Variants in HERC1 observed in about 807,000 individuals in gnomAD.
The protein encoded by HERC1 is probable E3 ubiquitin-protein ligase HERC1.
Under a neutral mutation model 554.3 loss-of-function variants are expected in HERC1, and 160 were observed. The observed-to-expected ratio is 0.29, with a 90% confidence interval of 0.25 to 0.33. The LOEUF (loss-of-function observed/expected upper bound fraction) is 0.33. HERC1 is among the 10% of genes least tolerant of loss of function. The pLI is 1.00. For synonymous variants in HERC1, 2,175 were observed against 2,131.7 expected, an observed-to-expected ratio of 1.02 and a Z score of -0.56; for missense variants, 4,919 against 5,918.5, an observed-to-expected ratio of 0.83 and a Z score of 5.54.
In HERC1 at chr15:63,656,082, G is replaced by C. The variant is rs754593141; in HGVS notation, c.9870+6C>G. The stretch of plus-strand genomic sequence containing the variant: ...GTAACGGGGAAAAGTACTGAAAGTA[G>C]CTTACCTGTGTACACAACTGTACAA... On this transcript the variant is annotated splice_donor_region_variant and intron_variant, in intron 49 of 77. Transcript: ENST00000443617. The C allele has an allele frequency of 7.9e-5, 128 of 1,610,114 alleles. No homozygotes were observed. Among genetic ancestry groups the C allele is most frequent in the Non-Finnish European group, 1.1e-4 (128 of 1,177,170 alleles).
At position 63,653,976 on chromosome 15, in the gene HERC1, T is replaced by C. The variant is rs16947322; in HGVS notation, c.10290+143A>G. The C allele has an allele frequency of 4.1e-3, 2,635 of 644,084 alleles. 54 individuals are homozygous for C. The African/African-American group carries it at 0.043, about 10-fold the overall frequency. The allele number at this position is 644,084 out of a possible 1,614,324, so 39.9% of individuals were successfully genotyped here. Reference sequence around the variant, plus strand: ...GAGTTGGTAACTGCCAGGAACATCTTTGTAATTGTGTGCATGTGTATGTGT... The same window carrying C: ...GAGTTGGTAACTGCCAGGAACATCTCTGTAATTGTGTGCATGTGTATGTGT... On this transcript the variant is annotated intron_variant, in intron 51 of 77. Coordinates refer to ENST00000443617, the MANE Select transcript of HERC1 (RefSeq NM_003922.4).
At chr15:63,704,285 C>A (rs991409524) in intron 25 of HERC1, among the ~76,000 whole-genome samples, 1 of 152,092 alleles carries the variant, frequency 6.6e-6, no homozygotes, top group African/African-American at 2.4e-5. Context: ...ACAGTTTTTT[C>A]TTAGTTGGAA....
At chr15:63,829,056 G>C (rs2078036864) in intron 1 of HERC1, among the ~76,000 whole-genome samples, 2 of 152,134 alleles carry the variant, frequency 1.3e-5, no homozygotes, top group African/African-American at 4.8e-5. Flanking sequence ...AGGAACGGGA[G>C]AAGGTTAGAA....
At position 63,634,859 on chromosome 15, in the gene HERC1, C is replaced by T. The variant is rs2152816531; in HGVS notation, c.12444G>A (p.Val4148=). The change falls in exon 66 of 78, where the codon GTG becomes GTA. Residue 4148 remains valine, a synonymous_variant. Transcript: ENST00000443617. The part of the protein sequence containing the change: ...QMSCGFKHSA[V]VTSDGKLFTF... ...TGAACAGTTTGCCATCTGAAGTGAC[C>T]ACTGCTGAGTGCTTGAAGCCACAAG... 6.2e-7 allele frequency: 1 copy of T among 1,613,608 alleles called. No individual in the cohort carries two copies. The highest frequency in any genetic ancestry group is 1.3e-5 in the African/African-American group (1 of 75,002).
rs981167642 is a variant in HERC1 at position 63,766,086 on chromosome 15, C to A, written c.931-1895G>T. Reference sequence around the variant, plus strand: ...CTCACTATAGCCTCAACCTCCTGGGCTCAAGTGATCCTCCCACCTCAGGAT... The same window carrying A: ...CTCACTATAGCCTCAACCTCCTGGGATCAAGTGATCCTCCCACCTCAGGAT... On this transcript the variant is annotated intron_variant, in intron 2 of 77. Coordinates refer to ENST00000443617, the MANE Select transcript of HERC1 (RefSeq NM_003922.4). Among the ~76,000 whole-genome samples, 6 of 152,154 alleles carry A rather than the reference C, an allele frequency of 3.9e-5. No individual in the cohort carries two copies. In the East Asian group the frequency reaches 1.2e-3, roughly 29 times the overall value.
At chr15:63,621,772 T>C (rs1173340164) in intron 74 of HERC1, among the ~76,000 whole-genome samples, 2 of 152,256 alleles carry the variant, frequency 1.3e-5, no homozygotes, top group African/African-American at 4.8e-5. Context: ...TTTCTTCCAG[T>C]TGATCGAATC....
At chr15:63,814,497 C>T (rs1251420399) in intron 1 of HERC1, among the ~76,000 whole-genome samples, 1 of 152,122 alleles carries the variant, frequency 6.6e-6, no homozygotes, top group African/African-American at 2.4e-5. Context: ...TCTGGCTCTG[C>T]TGCCCATGCT....
chr15:63,688,145 G>C (rs2071887955), intron 33 of HERC1, among the ~76,000 whole-genome samples: 1 of 152,216 alleles, frequency 6.6e-6, no homozygotes, highest in African/African-American at 2.4e-5. Flanking sequence ...GCATAGTTCA[G>C]GCCAGAGATG....
At chr15:63,796,852 G>C (rs2076829222) in intron 1 of HERC1, among the ~76,000 whole-genome samples, 1 of 152,190 alleles carries the variant, frequency 6.6e-6, no homozygotes, top group Admixed American at 6.5e-5. Context: ...TTATCATGCA[G>C]ATGAGGCCTC....
At chr15:63,650,592 T>C (rs571529523) in intron 53 of HERC1, among the ~76,000 whole-genome samples, 2 of 152,178 alleles carry the variant, frequency 1.3e-5, no homozygotes, top group South Asian at 4.2e-4. Flanking sequence ...TGTCTGTAAC[T>C]ATTAATAGGG....
At chr15:63,717,752 A>G (rs1279242611) in intron 21 of HERC1, among the ~76,000 whole-genome samples, 1 of 152,172 alleles carries the variant, frequency 6.6e-6, no homozygotes, top group Non-Finnish European at 1.5e-5. Flanking sequence ...CATGCCTGTA[A>G]TCCCAGCTAC....
chr15:63,689,979 C>A (rs1226769926), intron 32 of HERC1, among the ~76,000 whole-genome samples: 7 of 151,964 alleles, frequency 4.6e-5, no homozygotes, highest in East Asian at 1.9e-4. Context: ...GCCTGGCCAA[C>A]ATGGTGAAAC....
At chr15:63,833,207 G>T (rs1043551928) in intron 1 of HERC1, among the ~76,000 whole-genome samples, 5 of 152,140 alleles carry the variant, frequency 3.3e-5, no homozygotes, top group African/African-American at 1.2e-4. Context: ...CTCGCCTCCC[G>T]GTTGCAAAGG....
At chr15:63,666,212 AAG>A in intron 41 of HERC1, 62 bp from the exon 42 acceptor site, 2 of 1,460,440 alleles carry the variant, frequency 1.4e-6, no homozygotes, top group Non-Finnish European at 1.9e-6. Flanking sequence ...TTTATGTTAT[AAG>A]AGTGTTTGCT....
chr15:63,638,507 G>A lies in HERC1; in HGVS notation c.11997C>T (p.Val3999=). ...CATGCCTACCAGCACCCCATAAGTAGACATCACATTTACCTCCCAGGTGCC... is the reference window on the plus strand; with the variant it reads ...CATGCCTACCAGCACCCCATAAGTAAACATCACATTTACCTCCCAGGTGCC... ...EDWHLGGKCD[V]YLWGAGRHGQ... is the part of the protein sequence containing the mutation. The change falls in exon 63 of 78, where the codon GTC becomes GTT. Residue 3999 remains valine, a synonymous_variant. Coordinates refer to ENST00000443617, the MANE Select transcript of HERC1 (RefSeq NM_003922.4). 1 of 1,613,796 alleles carries A rather than the reference G, an allele frequency of 6.2e-7. No individual in the cohort carries two copies.
chr15:63,831,073 G>C (rs996784251), intron 1 of HERC1, among the ~76,000 whole-genome samples: 10 of 152,150 alleles, frequency 6.6e-5, no homozygotes, highest in African/African-American at 2.4e-4. Context: ...TGTATGTTAA[G>C]CCAAAGTTGT....
chr15:63,659,351 A>G (rs1192950186), intron 47 of HERC1, among the ~76,000 whole-genome samples: 10 of 152,158 alleles, frequency 6.6e-5, no homozygotes, highest in African/African-American at 2.4e-4. Context: ...TCCTGGGATT[A>G]AACAATTTTT....
chr15:63,694,674 A>C lies in HERC1; in HGVS notation c.5242+100T>G. On this transcript the variant is annotated intron_variant, in intron 28 of 77. Coordinates refer to ENST00000443617, the MANE Select transcript of HERC1 (RefSeq NM_003922.4). This position sits in a 1 kb window ranked among gnomAD's most constrained non-coding sequence, Gnocchi z 4.3. ...TTATTTATTCTTTACCTATAAGTTT[A>C]TCTACTAATGTTAAACACAAAATAT... is the stretch of plus-strand genomic sequence containing the variant. 6.6e-7 allele frequency: 1 copy of C among 1,511,270 alleles called. No homozygotes were observed. The highest frequency in any genetic ancestry group is 9.2e-7 in the Non-Finnish European group (1 of 1,088,470). The allele number at this position is 1,511,270 out of a possible 1,614,324, so 93.6% of individuals were successfully genotyped here. A position where few individuals can be genotyped will look rare whatever the true frequency, so the allele number is the denominator to read the frequency against.
chr15:63,681,935 TTATAA>T (rs1220820447), intron 34 of HERC1, among the ~76,000 whole-genome samples: 2 of 152,200 alleles, frequency 1.3e-5, no homozygotes, highest in East Asian at 1.9e-4. Context: ...TACCGCATCA[TTATAA>T]TATAAGTCTC....
Sources: allele counts gnomAD v4.1 joint callset (sites outside exome capture counted in the v4.1 genomes callset), GRCh38; gene constraint gnomAD v4.1.1; non-coding constraint Gnocchi (gnomAD v3.1); transcripts MANE v1.5; gene names NCBI Gene and HGNC (gene_info 2026-07-23, HGNC 2026-07-21).